Variants in IMMP1L observed in about 807,000 individuals in gnomAD.
IMMP1L encodes the protein inner mitochondrial membrane peptidase subunit 1.
Under a neutral mutation model 21.8 loss-of-function variants are expected in IMMP1L, and 24 were observed. That is an observed-to-expected ratio of 1.10 (90% CI 0.80 to 1.55). The LOEUF (loss-of-function observed/expected upper bound fraction) is 1.55, where lower values mean the gene tolerates loss of function less well. IMMP1L is among the 40% of genes most tolerant of loss of function. The pLI is 0.00. For missense variants in IMMP1L, 195 were observed against 200.7 expected (o/e 0.97, Z 0.17); for synonymous variants, 46 against 62.8 (o/e 0.73, Z 1.26).
At chr11:31,492,173 T>C (rs1436193483) in intron 1 of IMMP1L, among the ~76,000 whole-genome samples, 1 of 152,178 alleles carries the variant, frequency 6.6e-6, no homozygotes, top group Non-Finnish European at 1.5e-5. Context: ...CATTGAAAAT[T>C]TGTCACTTCA....
chr11:31,457,535 C>T (rs755604593), intron 3 of IMMP1L, among the ~76,000 whole-genome samples: 4 of 152,060 alleles, frequency 2.6e-5, no homozygotes, highest in Non-Finnish European at 5.9e-5. Context: ...TATTAAAAGT[C>T]ATAAGAATAA....
chr11:31,491,946 T>C (rs769762474), intron 1 of IMMP1L, among the ~76,000 whole-genome samples: 6 of 152,206 alleles, frequency 3.9e-5, no homozygotes, highest in Non-Finnish European at 8.8e-5. Flanking sequence ...GTTCTGTCTA[T>C]AAAGAACAGG....
chr11:31,495,659 G>T (rs1165862950), intron 1 of IMMP1L, among the ~76,000 whole-genome samples: 1 of 152,156 alleles, frequency 6.6e-6, no homozygotes, highest in Non-Finnish European at 1.5e-5. Flanking sequence ...CGTGGTACTG[G>T]CATAATGACA....
At chr11:31,484,488 G>C (rs1425271933) in intron 1 of IMMP1L, among the ~76,000 whole-genome samples, 2 of 151,760 alleles carry the variant, frequency 1.3e-5, no homozygotes, top group Non-Finnish European at 2.9e-5. Context: ...TCATTGTGTA[G>C]TTGTCATAGT....
In IMMP1L at chr11:31,432,537, C is replaced by T. The variant is rs372412278; in HGVS notation, c.464G>A (p.Arg155His). ...AAATCTGTGGCCATTAGGGCTGGCACGTAAAAATCCAAAATCACTCAGAGG... is the reference window on the plus strand; with the variant it reads ...AAATCTGTGGCCATTAGGGCTGGCATGTAAAAATCCAAAATCACTCAGAGG... ...IWPLSDFGFLRASPNGHRFSD... is the reference protein window; with the variant it reads ...IWPLSDFGFLHASPNGHRFSD... The change falls in exon 6 of 6, where the codon CGT becomes CAT. Residue 155 changes from arginine to histidine, a missense_variant. Arg to His is a conservative substitution (Grantham distance 29, BLOSUM62 0). Coordinates refer to ENST00000532287, the MANE Select transcript of IMMP1L (RefSeq NM_001304274.2). 9.3e-6 allele frequency: 15 copies of T among 1,612,974 alleles called. No individual in the cohort carries two copies. The highest frequency in any genetic ancestry group is 6.7e-5 in the East Asian group (3 of 44,800).
At chr11:31,462,504 A>C (rs1036250526) in intron 2 of IMMP1L, among the ~76,000 whole-genome samples, 4 of 152,164 alleles carry the variant, frequency 2.6e-5, no homozygotes, top group Admixed American at 2.6e-4. Flanking sequence ...ACATGACAAA[A>C]GGCTTGAATC....
intron 1 of IMMP1L, chr11:31,488,366 G>C (rs1955151240): frequency 6.6e-6 from 1 of 152,132 alleles, no homozygotes; most frequent in Non-Finnish European, 1.5e-5. Context: ...ATGGGTCCAT[G>C]AGATCTTGAA....
chr11:31,503,520 A>G (rs1032506781), intron 1 of IMMP1L, among the ~76,000 whole-genome samples: 4 of 152,204 alleles, frequency 2.6e-5, no homozygotes, highest in Non-Finnish European at 5.9e-5. Context: ...CAATGAAGAA[A>G]AAAAGGAAAA....
intron 2 of IMMP1L, 147 bp downstream of exon 2, chr11:31,463,025 C>A: frequency 1.6e-6 from 1 of 614,096 alleles, no homozygotes. Context: ...CTTATTATTC[C>A]AATATTTAGA....
chr11:31,461,349 G>A (rs982730083), intron 2 of IMMP1L, among the ~76,000 whole-genome samples: 2 of 152,090 alleles, frequency 1.3e-5, no homozygotes, highest in African/African-American at 4.8e-5. Flanking sequence ...CCAAAACTTT[G>A]GAAGAATGAC....
At chr11:31,493,279 A>G (rs1421416117) in intron 1 of IMMP1L, among the ~76,000 whole-genome samples, 2 of 152,146 alleles carry the variant, frequency 1.3e-5, no homozygotes, top group Non-Finnish European at 2.9e-5. Flanking sequence ...TCATGGTGGA[A>G]GGAGAAGCAA....
At chr11:31,499,609 G>A (rs770420742) in intron 1 of IMMP1L, among the ~76,000 whole-genome samples, 12 of 152,010 alleles carry the variant, frequency 7.9e-5, no homozygotes, top group Non-Finnish European at 1.3e-4. Flanking sequence ...ACATGCTTTT[G>A]CATTTTTTAA....
intron 3 of IMMP1L, among the ~76,000 whole-genome samples, chr11:31,458,722 A>G (rs1006952841): frequency 2.6e-5 from 4 of 152,210 alleles, no homozygotes; most frequent in Admixed American, 6.5e-5. Context: ...CTTGGCTCTA[A>G]AAGTTACTTT....
chr11:31,494,612 T>C (rs1394358018), intron 1 of IMMP1L, among the ~76,000 whole-genome samples: 1 of 152,178 alleles, frequency 6.6e-6, no homozygotes, highest in Non-Finnish European at 1.5e-5. Flanking sequence ...GGGTTTTTCT[T>C]TTATATCACA....
At chr11:31,496,963 T>G (rs1205151061) in intron 1 of IMMP1L, among the ~76,000 whole-genome samples, 1 of 143,412 alleles carries the variant, frequency 7.0e-6, no homozygotes, top group Non-Finnish European at 1.5e-5. Context: ...ATATCATATA[T>G]ATCATCTATT....
chr11:31,458,133 T>C (rs902239395), intron 3 of IMMP1L, among the ~76,000 whole-genome samples: 6 of 151,590 alleles, frequency 4.0e-5, no homozygotes, highest in South Asian at 2.1e-4. Flanking sequence ...AATGGCAACA[T>C]AGAAATCATA....
At chr11:31,434,544 T>C (rs1349290547) in intron 4 of IMMP1L, among the ~76,000 whole-genome samples, 1 of 152,188 alleles carries the variant, frequency 6.6e-6, no homozygotes, top group Non-Finnish European at 1.5e-5. Flanking sequence ...TGGTTTTACT[T>C]GTAAACCTTT....
intron 1 of IMMP1L, among the ~76,000 whole-genome samples, chr11:31,494,194 C>A (rs1003587627): frequency 6.6e-6 from 1 of 152,260 alleles, no homozygotes; most frequent in Non-Finnish European, 1.5e-5. Flanking sequence ...CAGCAGACTT[C>A]TGCCTGGTCA....
chr11:31,480,655 A>G (rs956987338), intron 1 of IMMP1L, among the ~76,000 whole-genome samples: 46 of 152,216 alleles, frequency 3.0e-4, no homozygotes, highest in African/African-American at 1.1e-3. Flanking sequence ...ATAAAATTTA[A>G]ATCAATTTTT....
Sources: gnomAD v4.1 joint callset for allele counts (sites outside exome capture counted in the v4.1 genomes callset) on GRCh38, gnomAD v4.1.1 for gene constraint, MANE v1.5 for transcripts, NCBI Gene and HGNC (gene_info 2026-07-23, HGNC 2026-07-21) for gene names.